The following THAP4 variants were observed in gnomAD, a reference collection of about 807,000 sequenced individuals.
THAP4 encodes THAP domain containing 4.
A neutral mutation model predicts 48.1 loss-of-function variants in THAP4; 18 were observed. The observed-to-expected ratio is 0.37, with a 90% CI of 0.26 to 0.56. THAP4 has a LOEUF of 0.56. Ranked by LOEUF, THAP4 falls within the 20% of genes least tolerant of loss-of-function variation. The pLI is 0.78. For synonymous variants in THAP4, 345 were observed against 324.9 expected (o/e 1.06, Z -0.66); for missense variants, 656 against 774.9 (o/e 0.85, Z 1.82).
At chr2:241,635,302 G>C (rs917703293) in intron 1 of THAP4, among the ~76,000 whole-genome samples, 3 of 151,834 alleles carry the variant, frequency 2.0e-5, no homozygotes, top group Non-Finnish European at 4.4e-5. Flanking sequence ...AGTTAGGATG[G>C]TAAATTTCAT....
At chr2:241,623,737 T>C (rs1186973013) in intron 2 of THAP4, among the ~76,000 whole-genome samples, 2 of 151,952 alleles carry the variant, frequency 1.3e-5, no homozygotes, top group East Asian at 1.9e-4. Flanking sequence ...AATTTAATCA[T>C]ATAGATGAGA....
Position 241,610,661 on chromosome 2 carries a change from C to G in THAP4, c.1241-4188G>C, listed in dbSNP as rs1344471189. On this transcript the variant is annotated intron_variant, in intron 2 of 5. Coordinates refer to ENST00000407315, the MANE Select transcript of THAP4 (RefSeq NM_015963.6). The surrounding 1 kb of genome is among the most constrained non-coding windows in gnomAD (Gnocchi z 4.2). ...TTGGCAGACGCCTCTCACCGGCAGC[C>G]TCTGCCTCCCCCTGGTCTTTCCCTC... 7.2e-5 allele frequency among the ~76,000 whole-genome samples: 11 copies of G among 152,130 alleles called. No individual in the cohort carries two copies. Among genetic ancestry groups the G allele is most frequent in the Admixed American group, 7.2e-4 (11 of 15,272 alleles).
chr2:241,634,148 A>G, intron 1 of THAP4, 69 bp from the exon 2 acceptor site: 1 of 1,262,086 alleles, frequency 7.9e-7, no homozygotes. Flanking sequence ...TCAACTGTAA[A>G]AGCAAAACAA....
At chr2:241,595,970 G>A (rs62193004) in intron 5 of THAP4, among the ~76,000 whole-genome samples, 19,462 of 152,214 alleles carry the variant, frequency 0.13, 1,378 homozygotes, top group Middle Eastern at 0.27. Context: ...AGCGCGTCCC[G>A]TGGGCTGCAC....
chr2:241,587,664 T>A (rs534380184), intron 5 of THAP4, among the ~76,000 whole-genome samples: 2 of 152,034 alleles, frequency 1.3e-5, no homozygotes, highest in South Asian at 4.2e-4. Context: ...GAATGAAAAA[T>A]CCTGAGCAAT....
chr2:241,613,474 C>T (rs1178377078), intron 2 of THAP4, among the ~76,000 whole-genome samples: 1 of 152,164 alleles, frequency 6.6e-6, no homozygotes, highest in Admixed American at 6.6e-5. Flanking sequence ...AAAAACTGGG[C>T]CGGTTGCAGT....
chr2:241,623,367 C>T (rs2067458429), intron 2 of THAP4, among the ~76,000 whole-genome samples: 1 of 152,088 alleles, frequency 6.6e-6, no homozygotes, highest in African/African-American at 2.4e-5. Flanking sequence ...ATAGCTTGAG[C>T]TCAGGAGTTC....
chr2:241,632,530 T>C (rs2067578762), intron 2 of THAP4, among the ~76,000 whole-genome samples: 4 of 152,262 alleles, frequency 2.6e-5, no homozygotes, highest in Admixed American at 2.6e-4. Context: ...TGATATTTGC[T>C]TTTTCTGAGA....
chr2:241,597,926 G>A (rs111590380), intron 5 of THAP4, among the ~76,000 whole-genome samples: 1,705 of 150,044 alleles, frequency 0.011, 32 homozygotes, highest in African/African-American at 0.04. Context: ...GCCACTTTTT[G>A]TTAAATTAAT....
intron 2 of THAP4, among the ~76,000 whole-genome samples, chr2:241,623,450 C>A (rs1349185636): frequency 6.6e-6 from 1 of 151,824 alleles, no homozygotes; most frequent in Admixed American, 6.6e-5. Flanking sequence ...CATGGTGGCA[C>A]GCATCTGTAG....
chr2:241,615,079 G>C (rs938183943), intron 2 of THAP4, among the ~76,000 whole-genome samples: 3 of 152,102 alleles, frequency 2.0e-5, no homozygotes, highest in African/African-American at 4.8e-5. Context: ...GGTGTCCCTT[G>C]AAAACACTGC....
chr2:241,588,965 A>G (rs1175230230), intron 5 of THAP4, among the ~76,000 whole-genome samples: 1 of 152,190 alleles, frequency 6.6e-6, no homozygotes, highest in Non-Finnish European at 1.5e-5. Context: ...CTGTCATCTC[A>G]GCGCTTTGGG....
chr2:241,608,718 C>G (rs2067222181), intron 2 of THAP4, among the ~76,000 whole-genome samples: 2 of 152,182 alleles, frequency 1.3e-5, no homozygotes, highest in African/African-American at 2.4e-5. Context: ...CTAGCGAGGG[C>G]AGACAATACA....
intron 2 of THAP4, among the ~76,000 whole-genome samples, chr2:241,627,890 C>T (rs563168505): frequency 1.2e-4 from 19 of 152,132 alleles, no homozygotes; most frequent in Middle Eastern, 3.2e-3. Flanking sequence ...TGCACCTGTC[C>T]CTTGCTCTCC....
intron 2 of THAP4, among the ~76,000 whole-genome samples, chr2:241,629,591 C>T (rs2067533493): frequency 6.6e-6 from 1 of 151,698 alleles, no homozygotes; most frequent in South Asian, 2.1e-4. Flanking sequence ...TCAGTAATCA[C>T]AATTGTAAAT....
intron 2 of THAP4, chr2:241,617,588 G>A (rs2067363752): frequency 2.2e-6 from 2 of 889,964 alleles, no homozygotes; most frequent in Middle Eastern, 2.2e-4. Context: ...CGTCTCAGAA[G>A]AAAGTAAAAG....
Position 241,620,198 on chromosome 2 carries a change from GGAGT to G in THAP4, c.1240+12715_1240+12718del, listed in dbSNP as rs199702309. Reference sequence around the variant, plus strand: ...GAGTGAGTCGGTGAGTGAGGGGTGAGGAGTGAGTGAGGGGTGAGTGAGTCGGTGA... The same window carrying G: ...GAGTGAGTCGGTGAGTGAGGGGTGAGGAGTGAGGGGTGAGTGAGTCGGTGA... On this transcript the variant is annotated intron_variant, in intron 2 of 5. Coordinates refer to ENST00000407315, the MANE Select transcript of THAP4 (RefSeq NM_015963.6). 1.6e-4 allele frequency among the ~76,000 whole-genome samples: 13 copies of G among 82,498 alleles called. 2 individuals carry two copies. The East Asian group carries it at 4.0e-3, about 25-fold the overall frequency. The allele number at this position is 82,498 out of a possible 152,430, so 54.1% of individuals were successfully genotyped here. A position where few individuals can be genotyped will look rare whatever the true frequency, so the allele number is the denominator to read the frequency against.
intron 2 of THAP4, among the ~76,000 whole-genome samples, chr2:241,626,382 A>G (rs1438582393): frequency 6.6e-6 from 1 of 151,796 alleles, no homozygotes; most frequent in Non-Finnish European, 1.5e-5. Flanking sequence ...CGGAGGTTGC[A>G]GTGAGCCTAG....
chr2:241,626,091 T>A (rs2067493475), intron 2 of THAP4, among the ~76,000 whole-genome samples: 1 of 152,146 alleles, frequency 6.6e-6, no homozygotes, highest in African/African-American at 2.4e-5. Flanking sequence ...AACATCCCAT[T>A]CATGATAACA....
Sources: gnomAD v4.1 joint callset for allele counts (sites outside exome capture counted in the v4.1 genomes callset) on GRCh38, gnomAD v4.1.1 for gene constraint, Gnocchi (gnomAD v3.1) non-coding constraint, MANE v1.5 for transcripts, NCBI Gene and HGNC (gene_info 2026-07-23, HGNC 2026-07-21) for gene names.